Variants in RALGDS observed in about 807,000 individuals in gnomAD.
RALGDS encodes the protein ral guanine nucleotide exchange factor.
RALGDS carries 44 observed loss-of-function variants against 99.8 expected under a neutral mutation model. The observed-to-expected ratio is 0.44, with a 90% CI of 0.35 to 0.57. The LOEUF is 0.57. RALGDS is among the 20% of genes least tolerant of loss of function. The probability of loss-of-function intolerance (pLI) is 0.01; values close to 1 mark genes in which losing one functional copy is unlikely to be tolerated. For synonymous variants in RALGDS, 529 were observed against 505.0 expected (o/e 1.05, Z -0.64); for missense variants, 1,022 against 1,203.1 (o/e 0.85, Z 2.23).
upstream of RALGDS, among the ~76,000 whole-genome samples, chr9:133,124,239 TAGAGACAGACACAGAGACACAGACGCAC>T (rs1437149095): frequency 7.5e-6 from 1 of 133,508 alleles, no homozygotes; most frequent in Non-Finnish European, 1.6e-5. Flanking sequence ...CACACACACA[TAGAGACAGACACAGAGACACAGACGCAC>T]AGAGACAGAC....
intron 1 of RALGDS, among the ~76,000 whole-genome samples, chr9:133,137,402 C>T (rs1174187151): frequency 6.6e-6 from 1 of 152,212 alleles, no homozygotes; most frequent in Non-Finnish European, 1.5e-5. Flanking sequence ...CAAGTGAGCT[C>T]GATGGGCCAG....
Position 133,115,033 on chromosome 9 carries a change from G to T in RALGDS, c.184-2881C>A, listed in dbSNP as rs568918541. ...CTGATCAGCCTTCTCAGAGTGACAG[G>T]CCAGCAGGATGCCGTGTCCCTGGCT... On this transcript the variant is annotated intron_variant, in intron 1 of 17. Coordinates refer to ENST00000372050, the MANE Select transcript of RALGDS (RefSeq NM_006266.4). Among the ~76,000 whole-genome samples the T allele has an allele frequency of 5.3e-5, 8 of 152,316 alleles. No homozygotes were observed. The South Asian group carries it at 1.4e-3, about 28-fold the overall frequency.
At position 133,108,137 on chromosome 9, in the gene RALGDS, C is replaced by T; in HGVS notation, c.1048G>A (p.Glu350Lys). ...EQDPAPSQTL[E>K]LEPAPAPVPS... ...ACTGGTGCTGGAGCTGGCTCCAGCT[C>T]TAGAGTTTGTGAGGGAGCTGGATCC... Residue 350 changes from glutamate to lysine, a missense_variant, in exon 6 of 18, where the codon GAG (glutamate) becomes AAG (lysine). By Grantham distance (56) the Glu-to-Lys change is moderately conservative (BLOSUM62 1). This residue lies in a region of RALGDS where 825 missense variants were observed against 994.5 expected (regional missense o/e 0.83). Coordinates refer to ENST00000372050, the MANE Select transcript of RALGDS (RefSeq NM_006266.4). 6.2e-7 allele frequency: 1 copy of T among 1,611,008 alleles called. No individual in the cohort carries two copies. Among genetic ancestry groups the T allele is most frequent in the South Asian group, 1.1e-5 (1 of 90,960 alleles).
chr9:133,101,241 C>G, intron 16 of RALGDS: 1 of 1,316,824 alleles, frequency 7.6e-7, no homozygotes, highest in Non-Finnish European at 9.8e-7. Flanking sequence ...GGCTCAGGGC[C>G]TATGTGGCCA....
intron 7 of RALGDS, 67 bp downstream of exon 7, chr9:133,107,018 G>T: frequency 6.4e-7 from 1 of 1,557,256 alleles, no homozygotes. Context: ...CAGGGCCTTG[G>T]ACTGCAGACC....
chr9:133,108,564 G>T, intron 5 of RALGDS, 109 bp downstream of exon 5: 1 of 1,458,820 alleles, frequency 6.9e-7, no homozygotes, highest in Non-Finnish European at 9.4e-7. Context: ...GTGGTCTGAG[G>T]CTCATCTGGG....
At position 133,102,532 on chromosome 9, in the gene RALGDS, TGACTCG is replaced by T; in HGVS notation, c.1947_1952del (p.Glu650_Ser651del). ...TCTTGGTCCTGAGGGTGTTGCTGGC[TGACTCG>T]GATGGGGGCTCCAGCTCGCACGACA... is the stretch of plus-strand genomic sequence containing the variant. On this transcript the variant is annotated inframe_deletion, in exon 14 of 18. Transcript: ENST00000372050. 6.2e-7 allele frequency: 1 copy of T among 1,614,162 alleles called. No individual in the cohort carries two copies. Among genetic ancestry groups the T allele is most frequent in the East Asian group, 2.2e-5 (1 of 44,888 alleles).
chr9:133,145,190 G>T (rs1302914450), intron 1 of RALGDS, among the ~76,000 whole-genome samples: 1 of 152,144 alleles, frequency 6.6e-6, no homozygotes, highest in Non-Finnish European at 1.5e-5. Flanking sequence ...AGCACTTTGT[G>T]ACAGCAGCCC....
At chr9:133,140,437 G>A (rs1832499740) in intron 1 of RALGDS, among the ~76,000 whole-genome samples, 3 of 151,960 alleles carry the variant, frequency 2.0e-5, no homozygotes, top group Non-Finnish European at 2.9e-5. Context: ...TTCCTCCCTC[G>A]GAACACAAAG....
At chr9:133,138,835 G>A (rs929091136) in intron 1 of RALGDS, among the ~76,000 whole-genome samples, 11 of 152,212 alleles carry the variant, frequency 7.2e-5, no homozygotes, top group Non-Finnish European at 1.0e-4. Context: ...GGGTTTCACC[G>A]TGTTAGCCAG....
chr9:133,121,245 G>A (rs1460162143), upstream of RALGDS: 9 of 983,206 alleles, frequency 9.2e-6, no homozygotes, highest in South Asian at 3.3e-4. Context: ...ACCGCTGTGA[G>A]CCCGCGGCCC....
chr9:133,138,418 A>G (rs1363503023), intron 1 of RALGDS, among the ~76,000 whole-genome samples: 1 of 152,082 alleles, frequency 6.6e-6, no homozygotes, highest in African/African-American at 2.4e-5. Flanking sequence ...ATGCCTGACA[A>G]AGGACAGCAA....
At chr9:133,101,473 T>G (rs756435008) in intron 16 of RALGDS, 47 bp downstream of exon 16, 1 of 1,607,840 alleles carries the variant, frequency 6.2e-7, no homozygotes, top group Non-Finnish European at 8.5e-7. Context: ...TCAGGGTGCA[T>G]TTGCCGCCAG....
At position 133,107,280 on chromosome 9, in the gene RALGDS, C is replaced by A. The variant is rs368420692; in HGVS notation, c.1218G>T (p.Val406=). 2 of 1,613,654 alleles carry A rather than the reference C, an allele frequency of 1.2e-6. No homozygotes were observed. The highest frequency in any genetic ancestry group is 3.3e-5 in the Admixed American group (2 of 60,008). ...AGATGGAGCCCAGGCAGTGGTAGGGCACCACCTTCTTGAACAGTTCCTGGG... is the reference window on the plus strand; with the variant it reads ...AGATGGAGCCCAGGCAGTGGTAGGGAACCACCTTCTTGAACAGTTCCTGGG... ...LMDAELFKKV[V]PYHCLGSIWS... Residue 406 remains valine (V), a synonymous_variant, in exon 7 of 18, where the codon GTG becomes GTT. Coordinates refer to ENST00000372050, the MANE Select transcript of RALGDS (RefSeq NM_006266.4).
At chr9:133,129,339 G>C (rs562675941) in intron 1 of RALGDS, 10 of 1,558,450 alleles carry the variant, frequency 6.4e-6, no homozygotes, top group Non-Finnish European at 8.6e-6. Context: ...GAGCCAGGTG[G>C]GGAGTGGGCC....
Position 133,098,054 on chromosome 9 carries a change from G to A in RALGDS, c.*533C>T, listed in dbSNP as rs72769420. 6.4e-3 allele frequency: 1,655 copies of A among 257,858 alleles called. 4 individuals carry two copies. The highest frequency in any genetic ancestry group is 9.6e-3 in the Non-Finnish European group (1,273 of 132,490). 16.0% of individuals were successfully genotyped at this position (257,858 alleles called of 1,614,324 possible). On this transcript the variant is annotated 3_prime_UTR_variant, in exon 18 of 18. Transcript: ENST00000372050. ...CTCTCTCTGCTCCCAGGGGAGGGCTGGGGTAAGCGGTGGGTGAGACTCCCT... is the reference window on the plus strand; with the variant it reads ...CTCTCTCTGCTCCCAGGGGAGGGCTAGGGTAAGCGGTGGGTGAGACTCCCT...
chr9:133,146,477 C>G (rs1455741190), intron 1 of RALGDS, among the ~76,000 whole-genome samples: 2 of 152,200 alleles, frequency 1.3e-5, no homozygotes, highest in African/African-American at 4.8e-5. Flanking sequence ...CAGGTGTGAG[C>G]CACCGCGCCC....
chr9:133,114,609 T>C (rs900428031), intron 1 of RALGDS, among the ~76,000 whole-genome samples: 1 of 152,220 alleles, frequency 6.6e-6, no homozygotes, highest in African/African-American at 2.4e-5. Flanking sequence ...CAGGGCACTC[T>C]GGCCGGGCTG....
chr9:133,142,448 T>C (rs1180130619), intron 1 of RALGDS, among the ~76,000 whole-genome samples: 5 of 152,102 alleles, frequency 3.3e-5, no homozygotes, highest in African/African-American at 1.2e-4. Flanking sequence ...GCAAGTATTT[T>C]GGGGGCCAGC....
Sources: allele counts gnomAD v4.1 joint callset (sites outside exome capture counted in the v4.1 genomes callset), GRCh38; gene constraint gnomAD v4.1.1; regional missense constraint gnomAD v4.1.1; transcripts MANE v1.5; gene names NCBI Gene and HGNC (gene_info 2026-07-23, HGNC 2026-07-21).